GPM6A: variants seen among roughly 807,000 people sequenced by gnomAD.
GPM6A encodes neuronal membrane glycoprotein M6-a.
A neutral mutation model predicts 32.1 loss-of-function variants in GPM6A; 7 were observed. That is an observed-to-expected ratio of 0.22 (90% CI 0.12 to 0.41). GPM6A has a LOEUF of 0.41. GPM6A is among the 10% of genes least tolerant of loss of function. The pLI is 1.00. For synonymous variants in GPM6A, 130 were observed against 123.4 expected (o/e 1.05, Z -0.35); for missense variants, 235 against 347.2 (o/e 0.68, Z 2.57).
At chr4:175,747,538 T>A (rs1732158271) in intron 1 of GPM6A, among the ~76,000 whole-genome samples, 1 of 152,204 alleles carries the variant, frequency 6.6e-6, no homozygotes, top group Non-Finnish European at 1.5e-5. Flanking sequence ...GAGTTCTCAG[T>A]GAATATGTTA....
intron 1 of GPM6A, among the ~76,000 whole-genome samples, chr4:175,705,308 A>G (rs1021488019): frequency 1.3e-5 from 2 of 152,338 alleles, no homozygotes; most frequent in Admixed American, 1.3e-4. Context: ...TATGGCAAAT[A>G]CAAATTCCTC....
intron 3 of GPM6A, among the ~76,000 whole-genome samples, chr4:175,654,510 T>C (rs1019372907): frequency 6.6e-6 from 1 of 152,176 alleles, no homozygotes. Context: ...ATTACTACTC[T>C]TGCTACATAT....
At chr4:175,950,387 A>G (rs934344092) in intron 1 of GPM6A, among the ~76,000 whole-genome samples, 1 of 152,218 alleles carries the variant, frequency 6.6e-6, no homozygotes, top group Non-Finnish European at 1.5e-5. Flanking sequence ...AGACATTCCA[A>G]GCACATAATA....
At chr4:175,914,389 T>G (rs1401976451) in intron 1 of GPM6A, among the ~76,000 whole-genome samples, 8 of 151,962 alleles carry the variant, frequency 5.3e-5, no homozygotes. Context: ...TGGTGTGATC[T>G]CGGCTCACTG....
chr4:175,812,338 T>TTTTTTTTTTC, upstream of GPM6A: 1 of 1,328,596 alleles, frequency 7.5e-7, no homozygotes, highest in Non-Finnish European at 9.8e-7. Context: ...TTTTTTTTTT[T>TTTTTTTTTTC]TTCCTGGGAA....
intron 2 of GPM6A, among the ~76,000 whole-genome samples, chr4:175,691,788 G>A (rs993606300): frequency 6.6e-6 from 1 of 152,148 alleles, no homozygotes; most frequent in Non-Finnish European, 1.5e-5. Context: ...ATGATATTGA[G>A]GTGAGGAGAT....
chr4:175,965,798 G>A (rs1740315401), intron 1 of GPM6A, among the ~76,000 whole-genome samples: 2 of 151,980 alleles, frequency 1.3e-5, no homozygotes, highest in East Asian at 1.9e-4. Flanking sequence ...ATTGTTAGTA[G>A]AGACGGGGTT....
Position 175,967,994 on chromosome 4 carries a change from G to A in GPM6A, c.-23+34315C>T, listed in dbSNP as rs377601057. ...GTTGAAGGAGAAGAACAAAGTTGGA[G>A]GACTGATATCACCTGACTTTAAGAC... On this transcript the variant is annotated intron_variant, in intron 1 of 7. Transcript: ENST00000280187. 4.1e-4 allele frequency among the ~76,000 whole-genome samples: 63 copies of A among 152,214 alleles called. 3 individuals are homozygous for A. In the South Asian group the frequency reaches 0.012, roughly 30 times the overall value.
intron 2 of GPM6A, among the ~76,000 whole-genome samples, chr4:175,690,207 A>G (rs112712830): frequency 1.3e-3 from 193 of 152,338 alleles, no homozygotes; most frequent in African/African-American, 4.4e-3. Flanking sequence ...ATTTCGTTCA[A>G]TTGAAACATA....
intron 3 of GPM6A, among the ~76,000 whole-genome samples, chr4:175,654,771 C>T (rs1449890911): frequency 6.6e-6 from 1 of 151,902 alleles, no homozygotes. Context: ...TCATTATTTG[C>T]AATTGTAGAT....
intron 1 of GPM6A, among the ~76,000 whole-genome samples, chr4:175,853,926 T>C (rs1281572266): frequency 1.3e-5 from 2 of 152,168 alleles, no homozygotes; most frequent in Admixed American, 6.5e-5. Flanking sequence ...ATTTGAACTA[T>C]AGATACCCAC....
intron 1 of GPM6A, among the ~76,000 whole-genome samples, chr4:175,881,089 A>G (rs1449334626): frequency 2.0e-5 from 3 of 152,098 alleles, no homozygotes; most frequent in Non-Finnish European, 4.4e-5. Flanking sequence ...TTTGCAATCT[A>G]CTCATCTGAC....
At chr4:175,710,256 G>A (rs1745454860) in intron 1 of GPM6A, among the ~76,000 whole-genome samples, 1 of 151,026 alleles carries the variant, frequency 6.6e-6, no homozygotes, top group Admixed American at 6.6e-5. Flanking sequence ...ATGTTCTAAT[G>A]TTTTAATGTG....
At chr4:175,914,147 GA>G (rs917268143) in intron 1 of GPM6A, among the ~76,000 whole-genome samples, 149 of 147,834 alleles carry the variant, frequency 1.0e-3, no homozygotes, top group African/African-American at 3.1e-3. Context: ...AAGAGAAAAG[GA>G]AAAAAAAATG....
chr4:175,653,370 A>T (rs1376231410), intron 3 of GPM6A, among the ~76,000 whole-genome samples: 1 of 152,128 alleles, frequency 6.6e-6, no homozygotes, highest in Non-Finnish European at 1.5e-5. Flanking sequence ...ATGTTTTCTA[A>T]TAATATTGTT....
intron 1 of GPM6A, among the ~76,000 whole-genome samples, chr4:175,703,901 T>A (rs1282584924): frequency 2.6e-5 from 4 of 152,158 alleles, no homozygotes; most frequent in Non-Finnish European, 5.9e-5. Flanking sequence ...TTCCTCCTTA[T>A]GAAAATCCTT....
chr4:175,837,913 G>A (rs1458597003), intron 1 of GPM6A, among the ~76,000 whole-genome samples: 2 of 151,972 alleles, frequency 1.3e-5, no homozygotes, highest in Non-Finnish European at 2.9e-5. Flanking sequence ...GAATAAAAGG[G>A]TGGCTATCCA....
At chr4:175,863,085 G>A (rs1454935028) in intron 1 of GPM6A, among the ~76,000 whole-genome samples, 1 of 151,762 alleles carries the variant, frequency 6.6e-6, no homozygotes, top group African/African-American at 2.4e-5. Context: ...CTGTATTAAA[G>A]GTTAATTGAA....
upstream of GPM6A, chr4:175,812,457 C>A: frequency 7.9e-7 from 1 of 1,263,770 alleles, no homozygotes; most frequent in Non-Finnish European, 9.9e-7. Flanking sequence ...TCAAATTACT[C>A]TTCCGTGAAG....
Sources: allele counts gnomAD v4.1 joint callset (sites outside exome capture counted in the v4.1 genomes callset), GRCh38; gene constraint gnomAD v4.1.1; transcripts MANE v1.5; gene names NCBI Gene and HGNC (gene_info 2026-07-23, HGNC 2026-07-21).